The following ATP11C variants were observed in gnomAD, a reference collection of about 807,000 sequenced individuals.
ATP11C encodes phospholipid-transporting ATPase IG.
A neutral mutation model predicts 97.4 loss-of-function variants in ATP11C; 36 were observed. That is an observed-to-expected ratio of 0.37 (90% CI 0.28 to 0.49). ATP11C has a LOEUF of 0.49. ATP11C is among the 20% of genes least tolerant of loss of function. The pLI is 0.98. For missense variants in ATP11C, 730 were observed against 824.6 expected (o/e 0.89, Z 1.40); for synonymous variants, 275 against 290.9 (o/e 0.95, Z 0.56).
At chrX:139,732,207 G>A (rs1382210136) in intron 28 of ATP11C, among the ~76,000 whole-genome samples, 4 of 110,748 alleles carry the variant, frequency 3.6e-5, no homozygotes, top group African/African-American at 1.3e-4. Context: ...TGCATACCGT[G>A]GATCAATGAA....
chrX:139,875,775 A>T (rs1450432113), intron 1 of ATP11C, among the ~76,000 whole-genome samples: 2 of 111,810 alleles, frequency 1.8e-5, no homozygotes, highest in Non-Finnish European at 3.8e-5. Context: ...ATCTCATAAA[A>T]TTGTTAGAGG....
chrX:139,743,578 ACT>A lies in ATP11C; in HGVS notation c.3009_3010del (p.Leu1003PhefsTer78). ...TCTAACCTTCAGGGTTACAGTGAAT[ACT>A]AAGACTGTAAAAACAATGGTTCCAA... is the stretch of plus-strand genomic sequence containing the variant. On this transcript the variant is annotated frameshift_variant, in exon 26 of 30. Coordinates refer to ENST00000682941, the MANE Select transcript of ATP11C (RefSeq NM_001353812.2). LOFTEE classifies it high-confidence loss of function. 1 of 1,176,383 alleles carries A rather than the reference ACT, an allele frequency of 8.5e-7. No homozygotes were observed. Among genetic ancestry groups the A allele is most frequent in the Non-Finnish European group, 1.1e-6 (1 of 872,492 alleles).
intron 1 of ATP11C, among the ~76,000 whole-genome samples, chrX:139,929,046 C>T (rs1488566376): frequency 1.8e-5 from 2 of 112,354 alleles, no homozygotes; most frequent in Non-Finnish European, 3.8e-5. Context: ...GACAGGATAA[C>T]ATAAAAGTCC....
chrX:139,869,886 CAAAA>C (rs59723137), intron 1 of ATP11C, among the ~76,000 whole-genome samples: 1 of 42,247 alleles, frequency 2.4e-5, no homozygotes, highest in Non-Finnish European at 5.2e-5. Flanking sequence ...ACTAGACTGG[CAAAA>C]AAAAAAAAAA....
intron 18 of ATP11C, among the ~76,000 whole-genome samples, chrX:139,775,787 T>C (rs2082336384): frequency 8.9e-6 from 1 of 112,802 alleles, no homozygotes; most frequent in African/African-American, 3.2e-5. Flanking sequence ...CATGCAGGCA[T>C]GTCAGTACTC....
intron 20 of ATP11C, among the ~76,000 whole-genome samples, chrX:139,765,829 T>C (rs147709734): frequency 1.8e-5 from 2 of 111,525 alleles, no homozygotes; most frequent in East Asian, 2.8e-4. Flanking sequence ...AGGAGTTCAA[T>C]GAGCTATTGA....
At chrX:139,919,554 A>T (rs893028304) in intron 1 of ATP11C, among the ~76,000 whole-genome samples, 1 of 111,340 alleles carries the variant, frequency 9.0e-6, no homozygotes, top group Non-Finnish European at 1.9e-5. Flanking sequence ...TGAAAAGTTT[A>T]AACATACAAT....
intron 1 of ATP11C, among the ~76,000 whole-genome samples, chrX:139,851,433 AGACTT>A (rs1028314503): frequency 6.2e-5 from 7 of 112,624 alleles, no homozygotes; most frequent in African/African-American, 2.3e-4. Flanking sequence ...GCCCAGGCAG[AGACTT>A]GTCAGAGGGG....
chrX:139,761,367 A>T (rs908926401), intron 22 of ATP11C, among the ~76,000 whole-genome samples: 1 of 112,249 alleles, frequency 8.9e-6, no homozygotes, highest in Admixed American at 9.4e-5. Context: ...ATAAAAGTAT[A>T]AAAAAAGTAC....
intron 1 of ATP11C, among the ~76,000 whole-genome samples, chrX:139,930,933 G>A (rs776077035): frequency 3.6e-5 from 4 of 112,313 alleles, no homozygotes; most frequent in Admixed American, 9.5e-5. Context: ...AAACCAAATC[G>A]ACATGTTCTC....
rs753264253 is a variant in ATP11C, at chrX:139,798,693, G to A, written c.761C>T (p.Thr254Ile). ...LLLKGATLKN[T>I]EKIYGVAVYT... is the part of the protein sequence containing the mutation. Reference sequence around the variant, plus strand: ...AAATTGTTCACCATATATCTTCTCGGTATTTTTTAGCGTAGCTCCTTTCAG... The same window carrying A: ...AAATTGTTCACCATATATCTTCTCGATATTTTTTAGCGTAGCTCCTTTCAG... Residue 254 changes from threonine (T) to isoleucine (I), a missense_variant, in exon 9 of 30, where the codon ACC becomes ATC. Coordinates refer to ENST00000682941, the MANE Select transcript of ATP11C (RefSeq NM_001353812.2). 8.3e-7 allele frequency: 1 copy of A among 1,201,794 alleles called. No individual in the cohort carries two copies. Among genetic ancestry groups the A allele is most frequent in the South Asian group, 1.8e-5 (1 of 55,980 alleles).
intron 1 of ATP11C, among the ~76,000 whole-genome samples, chrX:139,875,450 T>G (rs1569484216): frequency 1.9e-5 from 2 of 106,760 alleles, no homozygotes; most frequent in African/African-American, 6.8e-5. Context: ...AAAAAGAAAT[T>G]AGCTGGGCGA....
chrX:139,804,684 A>C, intron 5 of ATP11C, 85 bp from the exon 6 acceptor site: 1 of 776,207 alleles, frequency 1.3e-6, no homozygotes, highest in Non-Finnish European at 1.8e-6. Flanking sequence ...CATTAGCAAG[A>C]GATTATCTCT....
intron 1 of ATP11C, among the ~76,000 whole-genome samples, chrX:139,925,781 C>T (rs1428801294): frequency 8.9e-6 from 1 of 111,732 alleles, no homozygotes; most frequent in African/African-American, 3.3e-5. Context: ...TCAACATCAC[C>T]AATCCTCCCA....
intron 1 of ATP11C, among the ~76,000 whole-genome samples, chrX:139,870,643 A>G (rs958054003): frequency 8.9e-6 from 1 of 112,640 alleles, no homozygotes; most frequent in African/African-American, 3.2e-5. Flanking sequence ...AAACATTGGA[A>G]TACTGTGGGA....
At chrX:139,902,792 C>T (rs1569489103) in intron 1 of ATP11C, among the ~76,000 whole-genome samples, 1 of 111,744 alleles carries the variant, frequency 8.9e-6, no homozygotes, top group Non-Finnish European at 1.9e-5. Flanking sequence ...ACTTGTACTG[C>T]TGCCTGCTAT....
intron 1 of ATP11C, among the ~76,000 whole-genome samples, chrX:139,846,513 T>C (rs183467933): frequency 6.2e-5 from 7 of 112,016 alleles, no homozygotes; most frequent in Non-Finnish European, 1.3e-4. Context: ...TTGCTGCTAT[T>C]TTTTCTTTTT....
chrX:139,890,003 G>T (rs2084703155), intron 1 of ATP11C, among the ~76,000 whole-genome samples: 1 of 112,061 alleles, frequency 8.9e-6, no homozygotes, highest in Non-Finnish European at 1.9e-5. Flanking sequence ...CAACCACTCT[G>T]ATTTAGAAGA....
At chrX:139,776,717 A>G (rs986325758) in intron 18 of ATP11C, among the ~76,000 whole-genome samples, 13 of 111,655 alleles carry the variant, frequency 1.2e-4, no homozygotes, top group African/African-American at 4.2e-4. Flanking sequence ...TCCATCTACC[A>G]GACTGAAGCC....
Sources: allele counts gnomAD v4.1 joint callset (sites outside exome capture counted in the v4.1 genomes callset), GRCh38; gene constraint gnomAD v4.1.1; transcripts MANE v1.5; gene names NCBI Gene and HGNC (gene_info 2026-07-23, HGNC 2026-07-21).